The following MIS18A variants were observed in gnomAD, a reference collection of about 807,000 sequenced individuals.
The protein encoded by MIS18A is MIS18 kinetochore protein A, also known as protein Mis18-alpha.
Under a neutral mutation model 25.0 loss-of-function variants are expected in MIS18A, and 14 were observed. That is an observed-to-expected ratio of 0.56 (90% CI 0.37 to 0.88). The LOEUF (loss-of-function observed/expected upper bound fraction) is 0.88. Among genes scored for constraint, MIS18A ranks in the 40% least tolerant of loss-of-function variants. MIS18A has a pLI of 0.00. For synonymous variants in MIS18A, 134 were observed against 118.6 expected (o/e 1.13, Z -0.84); for missense variants, 292 against 290.8 (o/e 1.00, Z -0.03).
the MIS18A span, among the ~76,000 whole-genome samples, chr21:32,180,198 G>A: frequency 8.5e-5 from 13 of 152,276 alleles, no homozygotes; most frequent in East Asian, 1.4e-3. Flanking sequence ...CCAGTTCTTC[G>A]CTTTCAGACA....
the MIS18A span, among the ~76,000 whole-genome samples, chr21:32,211,028 C>A: frequency 5.9e-5 from 9 of 152,254 alleles, no homozygotes; most frequent in East Asian, 1.7e-3. Flanking sequence ...CAAAAGCCAA[C>A]CAATAGGCAA....
the MIS18A span, among the ~76,000 whole-genome samples, chr21:32,240,301 G>A: frequency 2.6e-5 from 4 of 152,250 alleles, no homozygotes; most frequent in Non-Finnish European, 5.9e-5. Context: ...AAGCCCTCAC[G>A]AATGGGATTA....
the MIS18A span, among the ~76,000 whole-genome samples, chr21:32,160,310 A>T: frequency 6.6e-6 from 1 of 151,184 alleles, no homozygotes; most frequent in Non-Finnish European, 1.5e-5. Flanking sequence ...ACACACACAC[A>T]CACACACACA....
the MIS18A span, among the ~76,000 whole-genome samples, chr21:32,165,671 T>G: frequency 6.6e-6 from 1 of 151,766 alleles, no homozygotes; most frequent in African/African-American, 2.4e-5. Context: ...AACCATGGGA[T>G]TCATACAAAG....
At chr21:32,168,970 T>C in the MIS18A span, among the ~76,000 whole-genome samples, 4 of 152,094 alleles carry the variant, frequency 2.6e-5, no homozygotes, top group East Asian at 5.8e-4. Context: ...CCCTCCAAAA[T>C]TCCACTCCTC....
the MIS18A span, among the ~76,000 whole-genome samples, chr21:32,248,877 T>A: frequency 7.4e-3 from 1,124 of 152,334 alleles, 9 homozygotes; most frequent in Non-Finnish European, 0.012. Flanking sequence ...CACCCTTTGT[T>A]AGGAACAGTA....
the MIS18A span, among the ~76,000 whole-genome samples, chr21:32,242,176 G>A: frequency 6.6e-5 from 10 of 152,328 alleles, no homozygotes; most frequent in South Asian, 2.1e-4. Context: ...CATCGCGCCC[G>A]GCCAGAAAGG....
At chr21:32,208,709 G>C in the MIS18A span, among the ~76,000 whole-genome samples, 2 of 152,308 alleles carry the variant, frequency 1.3e-5, no homozygotes, top group East Asian at 3.9e-4. Context: ...TCCAAAATTT[G>C]AGAACCACCA....
the MIS18A span, among the ~76,000 whole-genome samples, chr21:32,243,193 CA>C: frequency 1.3e-5 from 2 of 152,044 alleles, no homozygotes; most frequent in Non-Finnish European, 2.9e-5. Context: ...TGGGATTAGG[CA>C]AAGAGTTCGT....
the MIS18A span, among the ~76,000 whole-genome samples, chr21:32,257,983 C>T: frequency 6.6e-6 from 1 of 152,158 alleles, no homozygotes. Context: ...AGCACTGTTC[C>T]TTAATCTTTC....
chr21:32,228,817 G>A, the MIS18A span, among the ~76,000 whole-genome samples: 22 of 152,084 alleles, frequency 1.4e-4, no homozygotes, highest in Non-Finnish European at 2.5e-4. Flanking sequence ...TGCAAGGCTC[G>A]TACAGTGAAA....
the MIS18A span, among the ~76,000 whole-genome samples, chr21:32,177,334 A>G: frequency 6.6e-6 from 1 of 152,140 alleles, no homozygotes; most frequent in Non-Finnish European, 1.5e-5. Context: ...TAAGAAAAAC[A>G]CCTACATCAA....
the MIS18A span, among the ~76,000 whole-genome samples, chr21:32,173,248 A>G: frequency 2.0e-5 from 3 of 152,330 alleles, no homozygotes; most frequent in African/African-American, 4.8e-5. Context: ...CAAAACCACA[A>G]TAAGATACCA....
At chr21:32,253,751 G>C in the MIS18A span, among the ~76,000 whole-genome samples, 1 of 152,150 alleles carries the variant, frequency 6.6e-6, no homozygotes, top group African/African-American at 2.4e-5. Context: ...TATCTGATTA[G>C]CCCAAAACGC....
the MIS18A span, among the ~76,000 whole-genome samples, chr21:32,185,995 C>T: frequency 1.3e-5 from 2 of 152,118 alleles, no homozygotes; most frequent in African/African-American, 4.8e-5. Flanking sequence ...TCATGCTTCC[C>T]CTCCACAGCA....
chr21:32,165,403 A>G, the MIS18A span, among the ~76,000 whole-genome samples: 1 of 150,410 alleles, frequency 6.6e-6, no homozygotes, highest in East Asian at 1.9e-4. Context: ...GTACTAAATT[A>G]ATTAATTAAT....
chr21:32,171,563 C>T, the MIS18A span, among the ~76,000 whole-genome samples: 1 of 152,006 alleles, frequency 6.6e-6, no homozygotes, highest in Non-Finnish European at 1.5e-5. Context: ...TAGCCTGCTA[C>T]ACAACTAGGC....
chr21:32,212,264 A>G, the MIS18A span, among the ~76,000 whole-genome samples: 7 of 152,222 alleles, frequency 4.6e-5, no homozygotes, highest in African/African-American at 1.2e-4. Context: ...ATGCAGCACA[A>G]TCAGAAGGCA....
At chr21:32,162,900 T>G in the MIS18A span, among the ~76,000 whole-genome samples, 2,332 of 152,278 alleles carry the variant, frequency 0.015, 63 homozygotes, top group African/African-American at 0.052. Context: ...TAAATGCATC[T>G]TGTTGGATCC....
Sources: gnomAD v4.1 joint callset for allele counts (sites outside exome capture counted in the v4.1 genomes callset) on GRCh38, gnomAD v4.1.1 for gene constraint, MANE v1.5 for transcripts, NCBI Gene and HGNC (gene_info 2026-07-23, HGNC 2026-07-21) for gene names.